The following NALF1 variants were observed in gnomAD, a reference collection of about 807,000 sequenced individuals.
NALF1 encodes the protein NALCN channel auxiliary factor 1.
A neutral mutation model predicts 48.4 loss-of-function variants in NALF1; 3 were observed. That is an observed-to-expected ratio of 0.06 (90% CI 0.03 to 0.16). The LOEUF is 0.16. Ranked by LOEUF, NALF1 falls within the 10% of genes least tolerant of loss-of-function variation. The pLI is 1.00. For synonymous variants in NALF1, 262 were observed against 245.7 expected, an observed-to-expected ratio of 1.07 and a Z score of -0.62; for missense variants, 526 against 571.5, an observed-to-expected ratio of 0.92 and a Z score of 0.81.
chr13:107,227,576 T>C (rs1880132309), intron 1 of NALF1, among the ~76,000 whole-genome samples: 1 of 152,210 alleles, frequency 6.6e-6, no homozygotes, highest in Non-Finnish European at 1.5e-5. Flanking sequence ...CAAGTCAAGA[T>C]CGTGTAATAC....
At chr13:107,368,623 T>A (rs1277187398) in intron 1 of NALF1, among the ~76,000 whole-genome samples, 1 of 152,246 alleles carries the variant, frequency 6.6e-6, no homozygotes, top group Non-Finnish European at 1.5e-5. Flanking sequence ...TCTCTGCCTG[T>A]CTTCACAAGG....
At chr13:107,446,687 T>A (rs1286539505) in intron 1 of NALF1, among the ~76,000 whole-genome samples, 1 of 152,190 alleles carries the variant, frequency 6.6e-6, no homozygotes, top group Non-Finnish European at 1.5e-5. Context: ...GTTTCTTAAT[T>A]TTTGTTCATT....
chr13:107,282,973 C>A lies in NALF1; in HGVS notation c.916-72218G>T, dbSNP rs116252850. On this transcript the variant is annotated intron_variant, in intron 1 of 2. Transcript: ENST00000375915. The stretch of plus-strand genomic sequence containing the variant: ...AAGGGAAATAATTAAAAGTTATACT[C>A]GTCAGATTACACACTGTAGAAAAAC... Among the ~76,000 whole-genome samples the A allele has an allele frequency of 3.5e-4, 54 of 152,266 alleles. 1 individual carries two copies. In the South Asian group the frequency reaches 0.011, roughly 32 times the overall value.
At position 107,724,594 on chromosome 13, in the gene NALF1, C is replaced by T. The variant is rs7335669; in HGVS notation, c.915+141088G>A. Among the ~76,000 whole-genome samples, 1,298 of 143,184 alleles carry T rather than the reference C, an allele frequency of 9.1e-3. 25 individuals are homozygous for T. The highest frequency in any genetic ancestry group is 0.031 in the African/African-American group (1,227 of 39,864). The allele number at this position is 143,184 out of a possible 152,430, so 93.9% of individuals were successfully genotyped here. A position where few individuals can be genotyped will look rare whatever the true frequency, so the allele number is the denominator to read the frequency against. ...TGCTCGTTTTTGAGACAGGGTCTCA[C>T]TCTGTAGTCCAGGCTTGAGTACAGT... is the stretch of plus-strand genomic sequence containing the variant. On this transcript the variant is annotated intron_variant, in intron 1 of 2. Coordinates refer to ENST00000375915, the MANE Select transcript of NALF1 (RefSeq NM_001080396.3).
At chr13:107,539,760 CTT>C (rs1876946502) in intron 1 of NALF1, among the ~76,000 whole-genome samples, 1 of 151,994 alleles carries the variant, frequency 6.6e-6, no homozygotes, top group Non-Finnish European at 1.5e-5. Context: ...AATCATATGA[CTT>C]ATATGTTTAC....
intron 1 of NALF1, among the ~76,000 whole-genome samples, chr13:107,779,663 G>A (rs1480202987): frequency 3.3e-5 from 5 of 152,168 alleles, no homozygotes; most frequent in Non-Finnish European, 5.9e-5. Context: ...TTTAAACTAA[G>A]TTTGACACTG....
intron 1 of NALF1, among the ~76,000 whole-genome samples, chr13:107,533,915 T>C (rs762764979): frequency 2.6e-5 from 4 of 151,918 alleles, no homozygotes; most frequent in African/African-American, 4.8e-5. Context: ...TTAACATTAA[T>C]GGGAAATGGG....
At chr13:107,710,063 G>C (rs529506839) in intron 1 of NALF1, among the ~76,000 whole-genome samples, 1 of 151,994 alleles carries the variant, frequency 6.6e-6, no homozygotes, top group Non-Finnish European at 1.5e-5. Flanking sequence ...GTTGCAGTGA[G>C]CTATGATGGT....
chr13:107,462,280 G>A (rs549892956), intron 1 of NALF1, among the ~76,000 whole-genome samples: 4 of 151,878 alleles, frequency 2.6e-5, no homozygotes, highest in African/African-American at 9.7e-5. Flanking sequence ...TACAAAGTTC[G>A]TATTTTGCCT....
intron 1 of NALF1, among the ~76,000 whole-genome samples, chr13:107,343,205 A>G (rs1882713632): frequency 6.6e-6 from 1 of 152,226 alleles, no homozygotes; most frequent in Admixed American, 6.5e-5. Flanking sequence ...AAATGAAACA[A>G]GAAATCAATA....
intron 1 of NALF1, among the ~76,000 whole-genome samples, chr13:107,735,261 G>C (rs1273196672): frequency 6.6e-6 from 1 of 152,182 alleles, no homozygotes; most frequent in Admixed American, 6.5e-5. Flanking sequence ...CTAAACCTGG[G>C]TAGTAAAGGC....
At chr13:107,690,966 G>T (rs1199850785) in intron 1 of NALF1, among the ~76,000 whole-genome samples, 2 of 152,132 alleles carry the variant, frequency 1.3e-5, no homozygotes, top group Non-Finnish European at 2.9e-5. Flanking sequence ...GGGTTGAATT[G>T]TGTCCCTCCC....
chr13:107,745,766 G>A (rs1876765279), intron 1 of NALF1, among the ~76,000 whole-genome samples: 1 of 152,088 alleles, frequency 6.6e-6, no homozygotes, highest in South Asian at 2.1e-4. Context: ...TTGTGGAAGG[G>A]ACCTTCTTGG....
intron 1 of NALF1, among the ~76,000 whole-genome samples, chr13:107,850,233 C>T (rs1880273392): frequency 6.6e-6 from 1 of 152,248 alleles, no homozygotes; most frequent in African/African-American, 2.4e-5. Flanking sequence ...GAAATCTTCC[C>T]TCCAGCTTAG....
At chr13:107,325,869 T>TATAC (rs1421793158) in intron 1 of NALF1, among the ~76,000 whole-genome samples, 1 of 92,564 alleles carries the variant, frequency 1.1e-5, no homozygotes, top group Non-Finnish European at 2.4e-5. Context: ...TATATATATA[T>TATAC]ATATATATAT....
intron 1 of NALF1, among the ~76,000 whole-genome samples, chr13:107,668,552 CT>C (rs933081512): frequency 2.0e-5 from 3 of 151,936 alleles, no homozygotes; most frequent in African/African-American, 7.3e-5. Flanking sequence ...GTAAATCTTC[CT>C]TTGTTTGTTT....
chr13:107,638,854 G>A (rs1409094040), intron 1 of NALF1, among the ~76,000 whole-genome samples: 1 of 152,138 alleles, frequency 6.6e-6, no homozygotes, highest in East Asian at 1.9e-4. Flanking sequence ...TGAGGCTGGA[G>A]AACAGTGGGC....
intron 1 of NALF1, among the ~76,000 whole-genome samples, chr13:107,336,394 A>AATAATAAT (rs1566488507): frequency 9.9e-6 from 1 of 100,676 alleles, no homozygotes; most frequent in East Asian, 2.8e-4. Flanking sequence ...ATAATAATAA[A>AATAATAAT]AAATCTAATA....
At chr13:107,480,224 T>A (rs1885233967) in intron 1 of NALF1, among the ~76,000 whole-genome samples, 1 of 152,112 alleles carries the variant, frequency 6.6e-6, no homozygotes, top group African/African-American at 2.4e-5. Flanking sequence ...CCAGTAAATG[T>A]ACCAAGAACA....
Sources: gnomAD v4.1 joint callset for allele counts (sites outside exome capture counted in the v4.1 genomes callset) on GRCh38, gnomAD v4.1.1 for gene constraint, MANE v1.5 for transcripts, NCBI Gene and HGNC (gene_info 2026-07-23, HGNC 2026-07-21) for gene names.